Variants in DNAH5 observed in about 807,000 individuals in gnomAD.
DNAH5 encodes dynein axonemal heavy chain 5, also known as axonemal beta dynein heavy chain 5.
A neutral mutation model predicts 518.2 loss-of-function variants in DNAH5; 372 were observed. That is an observed-to-expected ratio of 0.72 (90% CI 0.66 to 0.78). The LOEUF (loss-of-function observed/expected upper bound fraction) is 0.78. Among genes scored for constraint, DNAH5 ranks in the 30% least tolerant of loss-of-function variants. DNAH5 has a pLI of 0.00. For synonymous variants in DNAH5, 2,039 were observed against 2,025.9 expected, an observed-to-expected ratio of 1.01 and a Z score of -0.17; for missense variants, 5,523 against 5,687.0, an observed-to-expected ratio of 0.97 and a Z score of 0.93.
intron 65 of DNAH5, 120 bp from the exon 66 acceptor site, chr5:13,737,615 G>T: frequency 9.2e-7 from 1 of 1,090,562 alleles, no homozygotes; most frequent in Non-Finnish European, 1.3e-6. Context: ...ATAATCAACT[G>T]CAGGAAATAT....
chr5:13,941,569 A>G (rs1208029248), intron 1 of DNAH5, among the ~76,000 whole-genome samples: 1 of 152,186 alleles, frequency 6.6e-6, no homozygotes, highest in Non-Finnish European at 1.5e-5. Flanking sequence ...ATCTTTTCAG[A>G]TTTCAAAAGA....
rs11739038 is a variant in DNAH5 at position 13,762,705 on chromosome 5, C to T, written c.10281+17G>A. 6.2e-7 allele frequency: 1 copy of T among 1,613,264 alleles called. No homozygotes were observed. The highest frequency in any genetic ancestry group is 1.7e-5 in the Admixed American group (1 of 60,014). On this transcript the variant is annotated intron_variant, in intron 60 of 78. Transcript: ENST00000265104. ...TCCGCCCAGCCACCTTCACCCAGGTCTGCCTAGCAGGCTTACCTTCAGAGG... is the reference window on the plus strand; with the variant it reads ...TCCGCCCAGCCACCTTCACCCAGGTTTGCCTAGCAGGCTTACCTTCAGAGG...
chr5:13,811,866 C>A, intron 43 of DNAH5, 43 bp from the exon 44 acceptor site: 1 of 1,602,930 alleles, frequency 6.2e-7, no homozygotes, highest in Non-Finnish European at 8.5e-7. Context: ...CTTATTAGCA[C>A]ACTAGGAAAA....
At chr5:13,989,880 T>TC (rs1226185712) in intron 1 of DNAH5, among the ~76,000 whole-genome samples, 1 of 152,164 alleles carries the variant, frequency 6.6e-6, no homozygotes, top group Non-Finnish European at 1.5e-5. Flanking sequence ...TGTCTTATTT[T>TC]CAGTCACTAG....
chr5:13,981,914 C>T (rs1782699296), intron 1 of DNAH5, among the ~76,000 whole-genome samples: 1 of 152,178 alleles, frequency 6.6e-6, no homozygotes, highest in Non-Finnish European at 1.5e-5. Context: ...GAAGTGCTGG[C>T]TCTAATCATA....
chr5:13,963,493 C>T (rs1781327474), intron 1 of DNAH5, among the ~76,000 whole-genome samples: 1 of 151,928 alleles, frequency 6.6e-6, no homozygotes, highest in African/African-American at 2.4e-5. Flanking sequence ...CAGGAAGAAT[C>T]GCTTGAACCC....
At chr5:13,990,161 A>C (rs2152074008) in intron 1 of DNAH5, among the ~76,000 whole-genome samples, 1 of 152,152 alleles carries the variant, frequency 6.6e-6, no homozygotes, top group East Asian at 1.9e-4. Flanking sequence ...AAAAGCAAGG[A>C]AGGAAGGATG....
rs201581402 is a variant in DNAH5, at chr5:13,713,446, TATATATATATATATATATATACAC to T, written c.13125+935_13125+958del. On this transcript the variant is annotated intron_variant, in intron 75 of 78. Coordinates refer to ENST00000265104, the MANE Select transcript of DNAH5 (RefSeq NM_001369.3). ...ATATATACATCGACATATATATATA[TATATATATATATATATATATACAC>T]ACACCGATATATATATATATATGAT... 2.6e-3 allele frequency among the ~76,000 whole-genome samples: 332 copies of T among 126,066 alleles called. 9 individuals are homozygous for T. In the East Asian group the frequency reaches 0.055, roughly 21 times the overall value. 82.7% of individuals were successfully genotyped at this position (126,066 alleles called of 152,430 possible).
intron 46 of DNAH5, among the ~76,000 whole-genome samples, chr5:13,808,088 G>T (rs187006945): frequency 6.6e-6 from 1 of 152,040 alleles, no homozygotes; most frequent in East Asian, 1.9e-4. Flanking sequence ...AAATTAGCCA[G>T]GTGTGGTGGT....
chr5:13,939,281 C>T (rs1333873956), intron 1 of DNAH5, among the ~76,000 whole-genome samples: 1 of 152,164 alleles, frequency 6.6e-6, no homozygotes, highest in African/African-American at 2.4e-5. Context: ...CCTAGACCAA[C>T]GTGAGTCCAC....
intron 1 of DNAH5, 149 bp from the exon 2 acceptor site, chr5:13,931,393 C>G (rs1778407738): frequency 1.3e-6 from 1 of 755,744 alleles, no homozygotes; most frequent in Non-Finnish European, 2.1e-6. Flanking sequence ...GTACTATCTT[C>G]TATTTTTAGA....
chr5:13,822,026 C>T (rs1320497301), intron 40 of DNAH5, among the ~76,000 whole-genome samples: 1 of 152,092 alleles, frequency 6.6e-6, no homozygotes, highest in East Asian at 1.9e-4. Context: ...AAGTAATCCC[C>T]CAACGTTGGC....
chr5:13,830,259 A>T (rs1284522234), intron 36 of DNAH5, 46 bp from the exon 37 acceptor site: 1 of 1,534,648 alleles, frequency 6.5e-7, no homozygotes, highest in Non-Finnish European at 9.0e-7. Flanking sequence ...ATATAATTTT[A>T]GAAAACCAAG....
intron 52 of DNAH5, among the ~76,000 whole-genome samples, chr5:13,781,405 T>C (rs1247194767): frequency 6.6e-6 from 1 of 152,112 alleles, no homozygotes; most frequent in Admixed American, 6.5e-5. Flanking sequence ...TGAAAAGTGT[T>C]CAAATTTAAA....
At chr5:13,906,121 G>C (rs1251086071) in intron 12 of DNAH5, among the ~76,000 whole-genome samples, 1 of 152,158 alleles carries the variant, frequency 6.6e-6, no homozygotes, top group Non-Finnish European at 1.5e-5. Context: ...AGGATGAATA[G>C]GTGGAGCACA....
At chr5:13,701,731 T>A (rs1742146452) in intron 76 of DNAH5, among the ~76,000 whole-genome samples, 1 of 152,252 alleles carries the variant, frequency 6.6e-6, no homozygotes, top group Non-Finnish European at 1.5e-5. Context: ...ACTTTCCATG[T>A]ACCAATATAT....
At chr5:13,921,989 T>A (rs979046270) in intron 5 of DNAH5, 118 bp downstream of exon 5, 18 of 1,115,122 alleles carry the variant, frequency 1.6e-5, no homozygotes, top group South Asian at 6.7e-5. Flanking sequence ...CCTACAAAAA[T>A]TTTTGAAGAA....
upstream of DNAH5, among the ~76,000 whole-genome samples, chr5:13,947,898 C>G (rs1780053683): frequency 6.6e-6 from 1 of 152,186 alleles, no homozygotes; most frequent in African/African-American, 2.4e-5. Flanking sequence ...TCACGCTTTA[C>G]CATATTGAAA....
At position 13,694,799 on chromosome 5, in the gene DNAH5, TAC is replaced by T. The variant is rs200266523; in HGVS notation, c.13724-2666_13724-2665del. The stretch of plus-strand genomic sequence containing the variant: ...ATTACTAGACAGTTCACTCTTAACA[TAC>T]ACTATTTCTTTCAATCCTTTAAAAA... On this transcript the variant is annotated intron_variant, in intron 78 of 78. Transcript: ENST00000265104. Among the ~76,000 whole-genome samples, 367 of 152,338 alleles carry T rather than the reference TAC, an allele frequency of 2.4e-3. 2 individuals carry two copies. The highest frequency in any genetic ancestry group is 8.5e-3 in the African/African-American group (355 of 41,578).
Sources: allele counts gnomAD v4.1 joint callset (sites outside exome capture counted in the v4.1 genomes callset), GRCh38; gene constraint gnomAD v4.1.1; transcripts MANE v1.5; gene names NCBI Gene and HGNC (gene_info 2026-07-23, HGNC 2026-07-21).